ZMYM2: variants seen among roughly 807,000 people sequenced by gnomAD.
The protein encoded by ZMYM2 is zinc finger MYM-type protein 2.
Under a neutral mutation model 162.8 loss-of-function variants are expected in ZMYM2, and 56 were observed. The observed-to-expected ratio is 0.34, with a 90% CI of 0.28 to 0.43. The LOEUF (loss-of-function observed/expected upper bound fraction) is 0.43. Among genes scored for constraint, ZMYM2 ranks in the 20% least tolerant of loss-of-function variants. The pLI is 1.00. For synonymous variants in ZMYM2, 510 were observed against 541.6 expected (o/e 0.94, Z 0.81); for missense variants, 1,275 against 1,621.8 (o/e 0.79, Z 3.67).
the ZMYM2 span, among the ~76,000 whole-genome samples, chr13:19,930,844 T>C: frequency 2.6e-5 from 4 of 151,154 alleles, no homozygotes; most frequent in Non-Finnish European, 5.9e-5. Flanking sequence ...TGGACCCTTT[T>C]ATTAATAATT....
chr13:19,989,708 A>G (rs1366554082), intron 2 of ZMYM2, among the ~76,000 whole-genome samples: 2 of 152,214 alleles, frequency 1.3e-5, no homozygotes, highest in Non-Finnish European at 2.9e-5. Flanking sequence ...TTAGATTATT[A>G]TTGACTATAG....
the ZMYM2 span, among the ~76,000 whole-genome samples, chr13:19,885,880 CACA>C: frequency 2.5e-5 from 2 of 81,512 alleles, 1 homozygote; most frequent in African/African-American, 1.1e-4. Flanking sequence ...TATGTATATA[CACA>C]TATATATGTG....
intron 17 of ZMYM2, 98 bp from the exon 18 acceptor site, chr13:20,062,748 T>G: frequency 1.7e-6 from 2 of 1,203,856 alleles, no homozygotes; most frequent in Non-Finnish European, 2.2e-6. Flanking sequence ...TTTTTTATAT[T>G]GCATTTAAAA....
Position 20,063,085 on chromosome 13 carries a change from CTTG to C in ZMYM2, c.3037+117_3037+119del, listed in dbSNP as rs1956350548. On this transcript the variant is annotated intron_variant, in intron 18 of 24. Coordinates refer to ENST00000610343, the MANE Select transcript of ZMYM2 (RefSeq NM_197968.4). ...TTTAGCAGTGTTCATATTTTTTATT[CTTG>C]TTATTTTTTAAACTCACCTTAAGAG... 4.0e-6 allele frequency: 5 copies of C among 1,260,304 alleles called. No individual in the cohort carries two copies. The African/African-American group carries it at 4.7e-5, about 12-fold the overall frequency. The allele number at this position is 1,260,304 out of a possible 1,614,324, so 78.1% of individuals were successfully genotyped here. A position where few individuals can be genotyped will look rare whatever the true frequency, so the allele number is the denominator to read the frequency against.
At chr13:20,037,213 A>ATTTTTTTTTT (rs754909177) in intron 12 of ZMYM2, among the ~76,000 whole-genome samples, 2 of 90,382 alleles carry the variant, frequency 2.2e-5, no homozygotes, top group Non-Finnish European at 4.1e-5. Context: ...ACTAAGTAGA[A>ATTTTTTTTTT]TTTTTTTTTT....
In ZMYM2 at chr13:20,083,704, T is replaced by C. The variant is rs1335277817; in HGVS notation, c.3869T>C (p.Phe1290Ser). 2 of 1,586,118 alleles carry C rather than the reference T, an allele frequency of 1.3e-6. No homozygotes were observed. Among genetic ancestry groups the C allele is most frequent in the East Asian group, 2.3e-5 (1 of 44,432 alleles). Residue 1290 changes from phenylalanine to serine, a missense_variant, in exon 24 of 25, where the codon TTT becomes TCT. Coordinates refer to ENST00000610343, the MANE Select transcript of ZMYM2 (RefSeq NM_197968.4). ...AAACATGAAGATGATGAGCCAGTAT[T>C]TGAACAAATTGAAAACACAGCCAAT... Reference protein sequence around the residue: ...KRKHEDDEPVFEQIENTANPS... With the variant: ...KRKHEDDEPVSEQIENTANPS...
chr13:20,026,514 A>G (rs960553012), intron 7 of ZMYM2, 98 bp from the exon 8 acceptor site: 74 of 1,198,224 alleles, frequency 6.2e-5, no homozygotes, highest in Non-Finnish European at 7.9e-5. Context: ...GATTAACAGG[A>G]TTGTTTTGCA....
intron 6 of ZMYM2, among the ~76,000 whole-genome samples, chr13:20,019,202 A>G (rs1345891003): frequency 5.3e-5 from 8 of 150,192 alleles, no homozygotes; most frequent in Admixed American, 3.3e-4. Flanking sequence ...GAGTTTCATT[A>G]TAAGTGTTAA....
At chr13:20,031,567 G>A in intron 10 of ZMYM2, 132 bp downstream of exon 10, 2 of 606,480 alleles carry the variant, frequency 3.3e-6, no homozygotes, top group South Asian at 2.7e-5. Context: ...TTTTATGATT[G>A]GATTATTTAT....
the ZMYM2 span, among the ~76,000 whole-genome samples, chr13:19,900,068 G>A: frequency 6.6e-6 from 1 of 152,158 alleles, no homozygotes; most frequent in Non-Finnish European, 1.5e-5. Context: ...CACTTTGGGA[G>A]GCTGAGGTGG....
the ZMYM2 span, among the ~76,000 whole-genome samples, chr13:19,942,105 A>T: frequency 6.6e-6 from 1 of 152,106 alleles, no homozygotes; most frequent in African/African-American, 2.4e-5. Flanking sequence ...TTTCATAATT[A>T]CCAAACCGAG....
At chr13:20,083,145 C>G in intron 23 of ZMYM2, 113 bp downstream of exon 23, 1 of 1,160,802 alleles carries the variant, frequency 8.6e-7, no homozygotes, top group Non-Finnish European at 1.2e-6. Context: ...TCACCGCAAC[C>G]TCTACCTCCT....
the ZMYM2 span, among the ~76,000 whole-genome samples, chr13:19,870,588 C>T: frequency 7.8e-6 from 1 of 127,646 alleles, no homozygotes; most frequent in Non-Finnish European, 1.7e-5. Flanking sequence ...CCTTTCCTTC[C>T]TTCCTTCCTT....
the ZMYM2 span, among the ~76,000 whole-genome samples, chr13:19,870,065 G>A: frequency 6.6e-6 from 1 of 152,202 alleles, no homozygotes; most frequent in Non-Finnish European, 1.5e-5. Context: ...CCTGACAGGG[G>A]CTGATGGATC....
chr13:19,965,702 C>T (rs1001122487), intron 2 of ZMYM2, among the ~76,000 whole-genome samples: 2 of 150,388 alleles, frequency 1.3e-5, no homozygotes, highest in South Asian at 4.2e-4. Context: ...TACTTTTTTT[C>T]GTTCCAGGCT....
the ZMYM2 span, among the ~76,000 whole-genome samples, chr13:19,885,881 A>G: frequency 4.6e-5 from 5 of 109,578 alleles, no homozygotes; most frequent in African/African-American, 1.8e-4. Flanking sequence ...ATGTATATAC[A>G]CATATATATG....
chr13:20,023,998 G>A (rs1198758615), intron 7 of ZMYM2, among the ~76,000 whole-genome samples: 3 of 151,144 alleles, frequency 2.0e-5, no homozygotes, highest in East Asian at 2.0e-4. Flanking sequence ...GTAGTGGCAC[G>A]ATCTTGGTTC....
the ZMYM2 span, among the ~76,000 whole-genome samples, chr13:19,950,213 T>C: frequency 6.6e-6 from 1 of 151,932 alleles, no homozygotes; most frequent in Non-Finnish European, 1.5e-5. Flanking sequence ...TTTTTAAAAA[T>C]TAAAAAAAAG....
the ZMYM2 span, among the ~76,000 whole-genome samples, chr13:19,926,148 A>T: frequency 6.6e-6 from 1 of 151,148 alleles, no homozygotes; most frequent in Non-Finnish European, 1.5e-5. Flanking sequence ...TTTAGTAGAG[A>T]TGGGGTTTCA....
Sources: allele counts gnomAD v4.1 joint callset (sites outside exome capture counted in the v4.1 genomes callset), GRCh38; gene constraint gnomAD v4.1.1; transcripts MANE v1.5; gene names NCBI Gene and HGNC (gene_info 2026-07-23, HGNC 2026-07-21).